The following SYMPK variants were observed in gnomAD, a reference collection of about 807,000 sequenced individuals.
SYMPK encodes the protein symplekin.
Under a neutral mutation model 136.4 loss-of-function variants are expected in SYMPK, and 49 were observed. The ratio of observed to expected loss-of-function variants is 0.36; its 90% confidence interval spans 0.29 to 0.46. The LOEUF (loss-of-function observed/expected upper bound fraction) is 0.46, where lower values mean the gene tolerates loss of function less well. SYMPK is among the 20% of genes least tolerant of loss of function. The probability of loss-of-function intolerance (pLI) is 1.00; values close to 1 mark genes in which losing one functional copy is unlikely to be tolerated. For missense variants in SYMPK, 1,365 were observed against 1,690.0 expected, an observed-to-expected ratio of 0.81 and a Z score of 3.37; for synonymous variants, 766 against 713.0, an observed-to-expected ratio of 1.07 and a Z score of -1.19.
At chr19:45,824,814 A>G (rs1481306222) in intron 18 of SYMPK, among the ~76,000 whole-genome samples, 1 of 152,244 alleles carries the variant, frequency 6.6e-6, no homozygotes, top group Non-Finnish European at 1.5e-5. Flanking sequence ...AGGCCAGCTC[A>G]TAAAGTGACA....
chr19:45,817,415 C>CTTTTTTTTTTTTT lies in SYMPK; in HGVS notation c.3082-442_3082-441insAAAAAAAAAAAAA, dbSNP rs1568605953. On this transcript the variant is annotated intron_variant, in intron 23 of 26. Transcript: ENST00000245934. ...TCCTGCGGGGTTTGGTTTTTTTGTT[C>CTTTTTTTTTTTTT]TCTTTTTTTTTTTTTTTTTTTTTTT... 1.3e-4 allele frequency among the ~76,000 whole-genome samples: 13 copies of CTTTTTTTTTTTTT among 100,170 alleles called. 1 individual carries two copies. Among genetic ancestry groups the CTTTTTTTTTTTTT allele is most frequent in the African/African-American group, 5.1e-4 (13 of 25,406 alleles). 65.7% of individuals were successfully genotyped at this position (100,170 alleles called of 152,430 possible).
At chr19:45,858,822 A>G (rs536258806) in intron 1 of SYMPK, among the ~76,000 whole-genome samples, 20 of 152,204 alleles carry the variant, frequency 1.3e-4, no homozygotes, top group African/African-American at 4.8e-4. Flanking sequence ...GCCGACGACC[A>G]TATTTCAAAT....
rs116854076 is a variant in SYMPK, at chr19:45,827,105, C to T, written c.2181+405G>A. ...CACTGCTCTGCTCAGCTGCTGAGCA[C>T]GCTGTGTCCTCACTGCTGGCTGAGG... On this transcript the variant is annotated intron_variant, in intron 16 of 26. Coordinates refer to ENST00000245934, the MANE Select transcript of SYMPK (RefSeq NM_004819.3). Among the ~76,000 whole-genome samples the T allele has an allele frequency of 6.0e-3, 917 of 152,308 alleles. 9 individuals are homozygous for T. In the East Asian group the frequency reaches 0.06, roughly 10 times the overall value.
intron 13 of SYMPK, 120 bp from the exon 14 acceptor site, chr19:45,829,325 C>T (rs1010658192): frequency 1.9e-5 from 17 of 876,470 alleles, no homozygotes; most frequent in African/African-American, 1.7e-4. Context: ...AGGAGTGAAG[C>T]GAGGAAGGCC....
intron 25 of SYMPK, 51 bp downstream of exon 25, chr19:45,816,431 G>A: frequency 6.4e-7 from 1 of 1,572,318 alleles, no homozygotes. Flanking sequence ...CTGGCTTGGG[G>A]TAGGGGGTGG....
intron 11 of SYMPK, 140 bp downstream of exon 11, chr19:45,834,938 T>C: frequency 1.4e-6 from 1 of 731,356 alleles, no homozygotes; most frequent in South Asian, 3.3e-5. Context: ...GAGCCATCTA[T>C]CTGTGGTACC....
In SYMPK at chr19:45,827,547, T is replaced by C; in HGVS notation, c.2144A>G (p.His715Arg). 1 of 1,614,066 alleles carries C rather than the reference T, an allele frequency of 6.2e-7. No individual in the cohort carries two copies. The highest frequency in any genetic ancestry group is 8.5e-7 in the Non-Finnish European group (1 of 1,179,982). Residue 715 changes from histidine (H) to arginine (R), a missense_variant, in exon 16 of 27, where the codon CAT (histidine) becomes CGT (arginine). His to Arg is a conservative substitution (Grantham distance 29). Around this residue, in one of 11 missense-constraint regions of SYMPK, gnomAD observed 303 missense variants for 326.6 expected, o/e 0.93. Coordinates refer to ENST00000245934, the MANE Select transcript of SYMPK (RefSeq NM_004819.3). ...KRPSRQFQYL[H>R]VLLDLSSHEK... is the part of the protein sequence containing the mutation. ...ATGGGAGCTGAGGTCGAGGAGGACA[T>C]GCAGGTACTGGAACTGGCGGGACGG... is the stretch of plus-strand genomic sequence containing the variant.
At chr19:45,833,031 A>T (rs1971221737) in intron 11 of SYMPK, among the ~76,000 whole-genome samples, 1 of 150,856 alleles carries the variant, frequency 6.6e-6, no homozygotes, top group Non-Finnish European at 1.5e-5. Context: ...AAAAAAAAAA[A>T]AACCGTGAAA....
chr19:45,833,225 T>C (rs1011933693), intron 11 of SYMPK, among the ~76,000 whole-genome samples: 4 of 148,770 alleles, frequency 2.7e-5, no homozygotes, highest in Non-Finnish European at 6.0e-5. Flanking sequence ...TAAATAAAAA[T>C]AAACAAACAA....
chr19:45,829,997 G>C, intron 13 of SYMPK, 57 bp downstream of exon 13: 1 of 1,505,420 alleles, frequency 6.6e-7, no homozygotes, highest in South Asian at 1.2e-5. Context: ...CTGGATGTGA[G>C]GTAGACGTTT....
intron 22 of SYMPK, chr19:45,819,801 G>C (rs1466347744): frequency 1.3e-5 from 2 of 152,342 alleles, no homozygotes; most frequent in Admixed American, 1.3e-4. Flanking sequence ...GGTGGTCTAC[G>C]GGGGAGTGAA....
Position 45,815,952 on chromosome 19 carries a change from G to A in SYMPK, c.3586C>T (p.Pro1196Ser). 1 of 1,611,274 alleles carries A rather than the reference G, an allele frequency of 6.2e-7. No individual in the cohort carries two copies. The highest frequency in any genetic ancestry group is 1.1e-5 in the South Asian group (1 of 90,600). Residue 1196 changes from proline (P) to serine (S), a missense_variant, in exon 26 of 27, where the codon CCT (proline) becomes TCT (serine). Around this residue, in one of 11 missense-constraint regions of SYMPK, gnomAD observed 341 missense variants for 270.5 expected, o/e 1.26. Coordinates refer to ENST00000245934, the MANE Select transcript of SYMPK (RefSeq NM_004819.3). ...EEAMDFREEG[P>S]ECETPGIFIS... is the part of the protein sequence containing the mutation. ...AAGATGCCCGGGGTCTCGCACTCAG[G>A]CCCCTCCTCCCGGAAATCCATGGCT... is the stretch of plus-strand genomic sequence containing the variant.
At position 45,860,465 on chromosome 19, in the gene SYMPK, A is replaced by T. The variant is rs913306986; in HGVS notation, c.-13+2593T>A. On this transcript the variant is annotated intron_variant, in intron 1 of 26. Coordinates refer to ENST00000245934, the MANE Select transcript of SYMPK (RefSeq NM_004819.3). The stretch of plus-strand genomic sequence containing the variant: ...AAGAGTGAAACTGCGTTTCAAATTA[A>T]AAAAAAAAAGAAAAAAAACCCACAC... Among the ~76,000 whole-genome samples the T allele has an allele frequency of 5.2e-5, 5 of 96,058 alleles. No individual in the cohort carries two copies. In the South Asian group the frequency reaches 1.6e-3, roughly 30 times the overall value. The allele number at this position is 96,058 out of a possible 152,430, so 63.0% of individuals were successfully genotyped here. A position where few individuals can be genotyped will look rare whatever the true frequency, so the allele number is the denominator to read the frequency against.
Position 45,827,577 on chromosome 19 carries a change from T to A in SYMPK, c.2114A>T (p.Lys705Met), listed in dbSNP as rs1434657332. ...GMSTLRDLIF[K>M]RPSRQFQYLH... is the part of the protein sequence containing the mutation. Reference sequence around the variant, plus strand: ...GTACTGGAACTGGCGGGACGGGCGCTTGAAGATCAGGTCTCGAAGTGTGGA... The same window carrying A: ...GTACTGGAACTGGCGGGACGGGCGCATGAAGATCAGGTCTCGAAGTGTGGA... Residue 705 changes from lysine (K) to methionine (M), a missense_variant, in exon 16 of 27, where the codon AAG (lysine) becomes ATG (methionine). By Grantham distance (95) the Lys-to-Met change is moderately conservative. Coordinates refer to ENST00000245934, the MANE Select transcript of SYMPK (RefSeq NM_004819.3). 1 of 1,613,960 alleles carries A rather than the reference T, an allele frequency of 6.2e-7. No homozygotes were observed. The highest frequency in any genetic ancestry group is 8.5e-7 in the Non-Finnish European group (1 of 1,180,016).
intron 23 of SYMPK, chr19:45,817,242 T>C: frequency 2.2e-6 from 1 of 461,000 alleles, no homozygotes; most frequent in Non-Finnish European, 3.8e-6. Context: ...CCAGGCTAAG[T>C]GCTGCGGGAG....
At chr19:45,837,855 T>C (rs1971340258) in intron 10 of SYMPK, among the ~76,000 whole-genome samples, 1 of 151,898 alleles carries the variant, frequency 6.6e-6, no homozygotes, top group Non-Finnish European at 1.5e-5. Flanking sequence ...GTTTGGGAAC[T>C]GGGAGGGGCC....
intron 1 of SYMPK, among the ~76,000 whole-genome samples, chr19:45,860,673 T>A (rs1452548766): frequency 6.6e-6 from 1 of 152,152 alleles, no homozygotes; most frequent in Non-Finnish European, 1.5e-5. Flanking sequence ...AGACAGGGTG[T>A]CACTCTGTTG....
In SYMPK at chr19:45,844,142, G is replaced by C. The variant is rs781225936; in HGVS notation, c.735C>G (p.His245Gln). 3.1e-6 allele frequency: 5 copies of C among 1,612,378 alleles called. No individual in the cohort carries two copies. Among genetic ancestry groups the C allele is most frequent in the Non-Finnish European group, 3.4e-6 (4 of 1,179,332 alleles). The change falls in exon 8 of 27, where the codon CAC (histidine) becomes CAG (glutamine). Residue 245 changes from histidine (H) to glutamine (Q), a missense_variant. Around this residue, in one of 11 missense-constraint regions of SYMPK, gnomAD observed 237 missense variants for 292.9 expected, o/e 0.81. Transcript: ENST00000245934. ...TCAGGTTGATGGAGGAGATGGCAGG[G>C]TGCACCATGAACTTAAGCAGCTGCT... is the stretch of plus-strand genomic sequence containing the variant. ...ALEQLLKFMV[H>Q]PAISSINLTT... is the part of the protein sequence containing the mutation.
At chr19:45,852,580 C>T (rs781026450) in intron 3 of SYMPK, 45 bp from the exon 4 acceptor site, 13 of 1,609,994 alleles carry the variant, frequency 8.1e-6, no homozygotes, top group Admixed American at 6.7e-5. Context: ...CCATATAAAA[C>T]GAGGGGCCAA....
Sources: allele counts gnomAD v4.1 joint callset (sites outside exome capture counted in the v4.1 genomes callset), GRCh38; gene constraint gnomAD v4.1.1; regional missense constraint gnomAD v4.1.1; transcripts MANE v1.5; gene names NCBI Gene and HGNC (gene_info 2026-07-23, HGNC 2026-07-21).